PIGT: variants seen among roughly 807,000 people sequenced by gnomAD.
PIGT encodes phosphatidylinositol glycan anchor biosynthesis class T.
PIGT carries 57 observed loss-of-function variants against 66.7 expected under a neutral mutation model. The observed-to-expected ratio is 0.86, with a 90% CI of 0.69 to 1.07. The LOEUF is 1.07. Ranked by LOEUF, PIGT falls within the 50% of genes least tolerant of loss-of-function variation. The pLI is 0.00. For missense variants in PIGT, 725 were observed against 740.4 expected, an observed-to-expected ratio of 0.98 and a Z score of 0.24; for synonymous variants, 362 against 320.5, an observed-to-expected ratio of 1.13 and a Z score of -1.38.
chr20:45,423,231 A>AT (rs1350004381), intron 9 of PIGT: 1 of 151,294 alleles, frequency 6.6e-6, no homozygotes, highest in African/African-American at 2.4e-5. Context: ...CGCCTGGCTA[A>AT]TTTTTTCTGT....
At chr20:45,422,624 T>C (rs6104152) in intron 9 of PIGT, 11,974 of 151,834 alleles carry the variant, frequency 0.079, 689 homozygotes, top group African/African-American at 0.15. Context: ...AGAGGCAGGG[T>C]CTTGTTATGT....
chr20:45,420,433 A>T lies in PIGT; in HGVS notation c.867+4A>T. ...GGACATCACCACCTACAACCAGGTA[A>T]CAAGGTCTCCAGCCACACACACAAA... On this transcript the variant is annotated splice_donor_region_variant and intron_variant, in intron 7 of 11. Transcript: ENST00000279036. 6.2e-7 allele frequency: 1 copy of T among 1,612,746 alleles called. No individual in the cohort carries two copies. The highest frequency in any genetic ancestry group is 8.5e-7 in the Non-Finnish European group (1 of 1,179,250).
rs370779373 is a variant in PIGT at position 45,425,624 on chromosome 20, C to T, written c.1535C>T (p.Pro512Leu). ...TACTTTGTGCGGCTCTACACGGAGC[C>T]GCTGCTGGTGAACCTGCCGACACCG... ...SNYFVRLYTEPLLVNLPTPDF... is the reference protein window; with the variant it reads ...SNYFVRLYTELLLVNLPTPDF... The change falls in exon 12 of 12, where the codon CCG (proline) becomes CTG (leucine). Residue 512 changes from proline to leucine, a missense_variant. Physicochemically the swap from Pro to Leu is moderately conservative, Grantham distance 98. Coordinates refer to ENST00000279036, the MANE Select transcript of PIGT (RefSeq NM_015937.6). 1.7e-5 allele frequency: 28 copies of T among 1,613,872 alleles called. No homozygotes were observed. Among genetic ancestry groups the T allele is most frequent in the African/African-American group, 2.7e-5 (2 of 74,906 alleles).
chr20:45,416,413 G>T (rs1390473819), intron 1 of PIGT, 70 bp downstream of exon 1: 4 of 1,554,900 alleles, frequency 2.6e-6, no homozygotes, highest in Admixed American at 1.8e-5. Context: ...GTGGGATGAA[G>T]GCAAACTTTG....
In PIGT at chr20:45,419,279, C is replaced by T. The variant is rs1256547117; in HGVS notation, c.494-16C>T. Reference sequence around the variant, plus strand: ...GAGCCCAAGGCCCACCCCAGACAGACCTCTGTCTCCCTCAGACACTGACCA... The same window carrying T: ...GAGCCCAAGGCCCACCCCAGACAGATCTCTGTCTCCCTCAGACACTGACCA... On this transcript the variant is annotated splice_polypyrimidine_tract_variant and intron_variant, in intron 3 of 11. Transcript: ENST00000279036. 7.5e-6 allele frequency: 12 copies of T among 1,599,232 alleles called. No individual in the cohort carries two copies. The highest frequency in any genetic ancestry group is 6.7e-5 in the East Asian group (3 of 44,838).
chr20:45,418,677 G>A (rs1447957889), intron 2 of PIGT, 175 bp from the exon 3 acceptor site: 4 of 681,428 alleles, frequency 5.9e-6, no homozygotes, highest in Non-Finnish European at 1.0e-5. Context: ...TGAGTAGGAT[G>A]AGACCCAGCA....
chr20:45,419,267 A>C (rs1282131920), intron 3 of PIGT, 28 bp from the exon 4 acceptor site: 1 of 1,586,820 alleles, frequency 6.3e-7, no homozygotes, highest in Non-Finnish European at 8.7e-7. Flanking sequence ...CCCAAGGCCC[A>C]CCCCAGACAG....
chr20:45,416,865 A>G, intron 2 of PIGT, 171 bp downstream of exon 2: 1 of 563,412 alleles, frequency 1.8e-6, no homozygotes, highest in South Asian at 3.1e-5. Context: ...AAACTTCCCA[A>G]TCCTAAAACT....
At chr20:45,422,565 G>C (rs144340326) in intron 9 of PIGT, 1 of 150,666 alleles carries the variant, frequency 6.6e-6, no homozygotes, top group Admixed American at 6.6e-5. Context: ...TCCTACCTCC[G>C]CTTCCCTAGG....
At position 45,425,813 on chromosome 20, in the gene PIGT, T is replaced by TC. The variant is rs760395465; in HGVS notation, c.1730dup (p.Leu578ThrfsTer35). 183 of 1,612,798 alleles carry TC rather than the reference T, an allele frequency of 1.1e-4. No individual in the cohort carries two copies. Among genetic ancestry groups the TC allele is most frequent in the Non-Finnish European group, 1.5e-4 (178 of 1,179,526 alleles). On this transcript the variant is annotated frameshift_variant, in exon 12 of 12. Coordinates refer to ENST00000279036, the MANE Select transcript of PIGT (RefSeq NM_015937.6). LOFTEE classifies it high-confidence loss of function. ...AACCTTATCCGGCGCGCCCGAGGTG[T>TC]CCCCCCACTCTGATTCTTGCCCTTT...
intron 11 of PIGT, chr20:45,425,094 A>G (rs1990621351): frequency 6.3e-6 from 1 of 158,190 alleles, no homozygotes. Flanking sequence ...CCTCCACCTC[A>G]ACACCAGGCG....
Position 45,420,280 on chromosome 20 carries a change from G to A in PIGT, c.770-52G>A, listed in dbSNP as rs989674587. ...CCCATGCCAGCCCTGCCTTATCTAT[G>A]TGGACTAGGCCTAGGCCTGGCCCCT... is the stretch of plus-strand genomic sequence containing the variant. On this transcript the variant is annotated intron_variant, in intron 6 of 11. Coordinates refer to ENST00000279036, the MANE Select transcript of PIGT (RefSeq NM_015937.6). The A allele has an allele frequency of 3.4e-5, 54 of 1,589,196 alleles. No homozygotes were observed. In the Admixed American group the frequency reaches 6.1e-4, roughly 18 times the overall value.
chr20:45,417,839 A>T (rs1990082033), intron 2 of PIGT: 1 of 152,184 alleles, frequency 6.6e-6, no homozygotes, highest in African/African-American at 2.4e-5. Context: ...AAAAGCTCTG[A>T]ACATAGAATT....
At chr20:45,420,038 A>C (rs1990252035) in intron 5 of PIGT, 98 bp from the exon 6 acceptor site, 2 of 838,900 alleles carry the variant, frequency 2.4e-6, no homozygotes, top group Admixed American at 4.1e-5. Flanking sequence ...GGATGTGAAG[A>C]TACATAGATG....
rs763644595 is a variant in PIGT at position 45,425,636 on chromosome 20, A to G, written c.1547A>G (p.Asn516Ser). Reference protein sequence around the residue: ...VRLYTEPLLVNLPTPDFSMPY... With the variant: ...VRLYTEPLLVSLPTPDFSMPY... ...CTCTACACGGAGCCGCTGCTGGTGA[A>G]CCTGCCGACACCGGACTTCAGCATG... The change falls in exon 12 of 12, where the codon AAC (asparagine) becomes AGC (serine). Residue 516 changes from asparagine (N) to serine (S), a missense_variant. Asn to Ser is a conservative substitution (Grantham distance 46). Coordinates refer to ENST00000279036, the MANE Select transcript of PIGT (RefSeq NM_015937.6). 4 of 1,613,312 alleles carry G rather than the reference A, an allele frequency of 2.5e-6. No individual in the cohort carries two copies. The African/African-American group carries it at 5.3e-5, about 22-fold the overall frequency.
intron 11 of PIGT, chr20:45,425,147 CT>C (rs765313308): frequency 2.5e-5 from 1 of 40,038 alleles, no homozygotes; most frequent in Non-Finnish European, 5.3e-5. Context: ...CTTTCTCTTT[CT>C]TTCTTTCTTT....
At chr20:45,421,092 C>T in intron 8 of PIGT, 1 of 532,074 alleles carries the variant, frequency 1.9e-6, no homozygotes, top group South Asian at 2.4e-5. Flanking sequence ...CAGTTGTGTT[C>T]AGTTCCCTTA....
chr20:45,425,123 C>T (rs1449434860), intron 11 of PIGT: 1 of 107,904 alleles, frequency 9.3e-6, no homozygotes, highest in Non-Finnish European at 2.1e-5. Flanking sequence ...TCTTTCCTTT[C>T]TCTCTCTTTC....
intron 1 of PIGT, 23 bp from the exon 2 acceptor site, chr20:45,416,494 C>G (rs781759204): frequency 2.5e-6 from 4 of 1,609,936 alleles, no homozygotes; most frequent in East Asian, 4.5e-5. Flanking sequence ...GGGATCGTCA[C>G]TCACCTGCTC....
Sources: allele counts gnomAD v4.1 joint callset, GRCh38; gene constraint gnomAD v4.1.1; transcripts MANE v1.5; gene names NCBI Gene and HGNC (gene_info 2026-07-23, HGNC 2026-07-21).